Variants in B3GALNT2 observed in about 807,000 individuals in gnomAD.
B3GALNT2 encodes UDP-GalNAc:beta-1,3-N-acetylgalactosaminyltransferase 2.
B3GALNT2 carries 53 observed loss-of-function variants against 61.1 expected under a neutral mutation model. The observed-to-expected ratio is 0.87, with a 90% confidence interval of 0.70 to 1.09. The LOEUF (loss-of-function observed/expected upper bound fraction) is 1.09. B3GALNT2 is among the 50% of genes least tolerant of loss of function. The probability of loss-of-function intolerance (pLI) is 0.00; values close to 1 mark genes in which losing one functional copy is unlikely to be tolerated. For missense variants in B3GALNT2, 544 were observed against 623.0 expected, an observed-to-expected ratio of 0.87 and a Z score of 1.35; for synonymous variants, 223 against 237.4, an observed-to-expected ratio of 0.94 and a Z score of 0.56.
At chr1:235,502,240 T>C (rs572406276) in intron 1 of B3GALNT2, among the ~76,000 whole-genome samples, 223 of 152,330 alleles carry the variant, frequency 1.5e-3, no homozygotes, top group Non-Finnish European at 2.5e-3. Flanking sequence ...CTTGAACTCC[T>C]GACCTCAGGT....
At chr1:235,501,739 C>T (rs1685589934) in intron 1 of B3GALNT2, among the ~76,000 whole-genome samples, 1 of 151,788 alleles carries the variant, frequency 6.6e-6, no homozygotes, top group Admixed American at 6.6e-5. Context: ...AGACTGAAGA[C>T]AGACAAAGCA....
intron 11 of B3GALNT2, 59 bp downstream of exon 11, chr1:235,453,031 T>A (rs974354670): frequency 4.2e-5 from 60 of 1,428,424 alleles, no homozygotes; most frequent in Non-Finnish European, 5.5e-5. Flanking sequence ...ACTCAACCTG[T>A]ATATAGAAAT....
Position 235,454,240 on chromosome 1 carries a change from G to C in B3GALNT2, c.1227C>G (p.Ala409=). The change falls in exon 10 of 12, where the codon GCC becomes GCG. Residue 409 remains alanine (A), a synonymous_variant. Transcript: ENST00000366600. ...TCACATATCCTGACCCACATGCAAAGGCAGGGTAAGCGGGGCTCGGGTACT... is the reference window on the plus strand; with the variant it reads ...TCACATATCCTGACCCACATGCAAACGCAGGGTAAGCGGGGCTCGGGTACT... The part of the protein sequence containing the change: ...ELEYPSPAYP[A]FACGSGYVIS... 1 of 1,613,536 alleles carries C rather than the reference G, an allele frequency of 6.2e-7. No homozygotes were observed. Among genetic ancestry groups the C allele is most frequent in the South Asian group, 1.1e-5 (1 of 91,030 alleles).
intron 1 of B3GALNT2, among the ~76,000 whole-genome samples, chr1:235,498,819 G>A (rs1685449678): frequency 8.3e-6 from 1 of 120,130 alleles, no homozygotes; most frequent in African/African-American, 3.3e-5. Flanking sequence ...TCTCCAGTCT[G>A]GGTGACAGAG....
intron 1 of B3GALNT2, among the ~76,000 whole-genome samples, chr1:235,500,272 C>T (rs1023666250): frequency 9.2e-5 from 14 of 152,114 alleles, no homozygotes; most frequent in African/African-American, 3.4e-4. Context: ...GTGAATGAAT[C>T]GCTTGAGGTC....
At chr1:235,504,005 G>C (rs993475332) in intron 1 of B3GALNT2, 136 bp downstream of exon 1, 1 of 969,936 alleles carries the variant, frequency 1.0e-6, no homozygotes, top group African/African-American at 1.7e-5. Context: ...GATGAAAAGA[G>C]CCGTTTGTTT....
intron 1 of B3GALNT2, among the ~76,000 whole-genome samples, chr1:235,498,129 T>C (rs977006586): frequency 1.3e-5 from 2 of 152,182 alleles, no homozygotes; most frequent in Non-Finnish European, 2.9e-5. Context: ...ATTAGTCCAA[T>C]AGACTCCTGA....
chr1:235,442,940 A>T, downstream of B3GALNT2: 1 of 1,612,494 alleles, frequency 6.2e-7, no homozygotes, highest in Non-Finnish European at 8.5e-7. Context: ...TCTTTTCCTT[A>T]AACTCTGAAT....
rs1558407945 is a variant in B3GALNT2 at position 235,454,193 on chromosome 1, C to T, written c.1274G>A (p.Trp425Ter). The change falls in exon 10 of 12, where the codon TGG becomes TAG. Residue 425 changes from tryptophan to a stop codon, truncating the protein, a stop_gained. Transcript: ENST00000366600. LOFTEE classifies it high-confidence loss of function. ...TAACCTCCCCGAGTTGCTTGCCAGC[C>T]ACTTGACGATGTCCTTGGAGATCAC... ...GYVISKDIVK[W>*]LASNSGRLKT... is the part of the protein sequence containing the mutation. The T allele has an allele frequency of 6.2e-7, 1 of 1,612,250 alleles. No individual in the cohort carries two copies. The highest frequency in any genetic ancestry group is 8.5e-7 in the Non-Finnish European group (1 of 1,179,232).
chr1:235,487,362 A>T (rs755346924), intron 3 of B3GALNT2, among the ~76,000 whole-genome samples: 4 of 152,216 alleles, frequency 2.6e-5, no homozygotes, highest in Non-Finnish European at 4.4e-5. Flanking sequence ...ATAAAATAGC[A>T]GGCTCTTTAA....
intron 1 of B3GALNT2, among the ~76,000 whole-genome samples, chr1:235,498,234 G>A (rs696244): frequency 0.45 from 68,737 of 151,894 alleles, 16,182 homozygotes; most frequent in Non-Finnish European, 0.5. Context: ...TTACCAATCT[G>A]GCTCTAAACT....
intron 5 of B3GALNT2, among the ~76,000 whole-genome samples, chr1:235,475,147 G>A (rs1307616433): frequency 6.7e-6 from 1 of 150,312 alleles, no homozygotes; most frequent in Non-Finnish European, 1.5e-5. Context: ...ACAGGCATGC[G>A]CCACCACACC....
chr1:235,440,115 C>T, the B3GALNT2 span, among the ~76,000 whole-genome samples: 19 of 152,254 alleles, frequency 1.2e-4, 1 homozygote, highest in South Asian at 2.5e-3. Flanking sequence ...GGACTACAGG[C>T]GCCCACCACC....
chr1:235,498,779 G>C (rs1165631467), intron 1 of B3GALNT2, among the ~76,000 whole-genome samples: 2 of 144,966 alleles, frequency 1.4e-5, no homozygotes, highest in Non-Finnish European at 3.0e-5. Context: ...GGGAGGCAGA[G>C]GTTGCAGTCA....
chr1:235,460,993 A>G (rs1327181672), intron 7 of B3GALNT2, among the ~76,000 whole-genome samples: 1 of 152,180 alleles, frequency 6.6e-6, no homozygotes, highest in Non-Finnish European at 1.5e-5. Flanking sequence ...CTGTCCCCAG[A>G]TCCTACTGAT....
intron 11 of B3GALNT2, chr1:235,451,540 A>G (rs1682901993): frequency 6.6e-6 from 1 of 152,166 alleles, no homozygotes; most frequent in African/African-American, 2.4e-5. Context: ...TAGAAACAAC[A>G]AACTGCAAAA....
At chr1:235,476,396 G>A (rs1430499976) in intron 5 of B3GALNT2, among the ~76,000 whole-genome samples, 2 of 151,972 alleles carry the variant, frequency 1.3e-5, no homozygotes, top group African/African-American at 4.8e-5. Flanking sequence ...GGGTGACAGA[G>A]CGAGACTCCG....
chr1:235,444,139 A>G (rs1682082409), downstream of B3GALNT2, among the ~76,000 whole-genome samples: 1 of 152,222 alleles, frequency 6.6e-6, no homozygotes, highest in Non-Finnish European at 1.5e-5. Context: ...CAAGCTTATC[A>G]TGGTATTGCT....
rs148233223 is a variant in B3GALNT2 at position 235,448,675 on chromosome 1, G to T, written c.*1531C>A. The T allele has an allele frequency of 1.9e-6, 3 of 1,613,570 alleles. No individual in the cohort carries two copies. The highest frequency in any genetic ancestry group is 1.1e-5 in the South Asian group (1 of 91,046). The stretch of plus-strand genomic sequence containing the variant: ...CACCTTCGTTCTAATTTTAGAAGCC[G>T]GGCAGAGAAATCGAGCTGGAAAATG... On this transcript the variant is annotated 3_prime_UTR_variant, in exon 12 of 12. Coordinates refer to ENST00000366600, the MANE Select transcript of B3GALNT2 (RefSeq NM_152490.5).
Sources: gnomAD v4.1 joint callset for allele counts (sites outside exome capture counted in the v4.1 genomes callset) on GRCh38, gnomAD v4.1.1 for gene constraint, MANE v1.5 for transcripts, NCBI Gene and HGNC (gene_info 2026-07-23, HGNC 2026-07-21) for gene names.